FBN1: variants seen among roughly 807,000 people sequenced by gnomAD.
FBN1 encodes the protein fibrillin 1, also known as fibrillin-1.
A neutral mutation model predicts 365.1 loss-of-function variants in FBN1; 29 were observed. That is an observed-to-expected ratio of 0.08 (90% CI 0.06 to 0.11). FBN1 has a LOEUF of 0.11. FBN1 is among the 10% of genes least tolerant of loss of function. The probability of loss-of-function intolerance (pLI) is 1.00; values close to 1 mark genes in which losing one functional copy is unlikely to be tolerated. For missense variants in FBN1, 2,476 were observed against 3,703.2 expected, an observed-to-expected ratio of 0.67 and a Z score of 8.60; for synonymous variants, 1,210 against 1,270.5, an observed-to-expected ratio of 0.95 and a Z score of 1.01.
At position 48,435,810 on chromosome 15, in the gene FBN1, G is replaced by GTA. The variant is rs1164312097; in HGVS notation, c.6497-1099_6497-1098dup. ...TGTGTGTGTGTGTGTGTGTGTGTGT[G>GTA]TATATATGCCTTCTAACCCATCCAC... On this transcript the variant is annotated intron_variant, in intron 53 of 65. Coordinates refer to ENST00000316623, the MANE Select transcript of FBN1 (RefSeq NM_000138.5). 6.8e-3 allele frequency among the ~76,000 whole-genome samples: 911 copies of GTA among 134,062 alleles called. 10 individuals carry two copies. The highest frequency in any genetic ancestry group is 0.024 in the African/African-American group (808 of 33,492). 87.9% of individuals were successfully genotyped at this position (134,062 alleles called of 152,430 possible).
In FBN1 at chr15:48,432,862, T is replaced by C. The variant is rs1355777954; in HGVS notation, c.6739+4A>G. 1 of 1,613,404 alleles carries C rather than the reference T, an allele frequency of 6.2e-7. No homozygotes were observed. Among genetic ancestry groups the C allele is most frequent in the African/African-American group, 1.3e-5 (1 of 74,858 alleles). ...CTTAGATGACCTTGAACACGATGAC[T>C]CACCTTTGCACATCCTACGGTCTTC... On this transcript the variant is annotated splice_donor_region_variant and intron_variant, in intron 55 of 65. Coordinates refer to ENST00000316623, the MANE Select transcript of FBN1 (RefSeq NM_000138.5).
At chr15:48,542,874 G>C (rs759153510) in intron 6 of FBN1, among the ~76,000 whole-genome samples, 1 of 149,380 alleles carries the variant, frequency 6.7e-6, no homozygotes, top group African/African-American at 2.5e-5. Flanking sequence ...AAGAGTACTC[G>C]TGTGCCATGA....
chr15:48,442,160 G>A (rs2043120840), intron 49 of FBN1, among the ~76,000 whole-genome samples: 1 of 152,118 alleles, frequency 6.6e-6, no homozygotes, highest in South Asian at 2.1e-4. Context: ...AGTACCCTAG[G>A]CCAGGAAAGA....
intron 35 of FBN1, among the ~76,000 whole-genome samples, chr15:48,472,135 T>C (rs2043381296): frequency 6.6e-6 from 1 of 152,250 alleles, no homozygotes; most frequent in Admixed American, 6.5e-5. Context: ...GATTAAAACC[T>C]GTGTTTCCAT....
At chr15:48,433,797 T>G (rs1257228381) in intron 54 of FBN1, among the ~76,000 whole-genome samples, 1 of 152,206 alleles carries the variant, frequency 6.6e-6, no homozygotes, top group Non-Finnish European at 1.5e-5. Context: ...AATGGGCATT[T>G]GATAGATCAT....
intron 27 of FBN1, 56 bp from the exon 28 acceptor site, chr15:48,487,493 C>A (rs2043519241): frequency 6.2e-7 from 1 of 1,606,384 alleles, no homozygotes; most frequent in Non-Finnish European, 8.5e-7. Context: ...TCCACCAGAC[C>A]AAGCACTCCT....
chr15:48,441,656 G>A, intron 50 of FBN1, 65 bp downstream of exon 50: 1 of 1,602,930 alleles, frequency 6.2e-7, no homozygotes, highest in East Asian at 2.2e-5. Flanking sequence ...TGCCATGTTT[G>A]AAAAATAAGA....
At chr15:48,616,570 C>A (rs1470558206) in intron 2 of FBN1, among the ~76,000 whole-genome samples, 2 of 152,140 alleles carry the variant, frequency 1.3e-5, no homozygotes, top group African/African-American at 4.8e-5. Context: ...TGGATTATTT[C>A]CATAATAAAA....
chr15:48,561,731 T>C (rs1270025932), intron 6 of FBN1, among the ~76,000 whole-genome samples: 1 of 152,208 alleles, frequency 6.6e-6, no homozygotes, highest in African/African-American at 2.4e-5. Flanking sequence ...AAATTAAAGA[T>C]TTCAGCTCCT....
intron 62 of FBN1, among the ~76,000 whole-genome samples, chr15:48,421,096 T>G (rs2042938157): frequency 6.6e-6 from 1 of 151,392 alleles, no homozygotes; most frequent in East Asian, 1.9e-4. Flanking sequence ...TTTTTTTTTA[T>G]TTTTGGTGCC....
rs1831277327 is a variant in FBN1, at chr15:48,526,284, T to C, written c.863-29A>G. On this transcript the variant is annotated intron_variant, in intron 8 of 65. Coordinates refer to ENST00000316623, the MANE Select transcript of FBN1 (RefSeq NM_000138.5). ...GAATATAAAAAAAAGAATCTCAGCA[T>C]TTGTAGAACACAATATAAAACCATT... is the stretch of plus-strand genomic sequence containing the variant. The C allele has an allele frequency of 2.5e-6, 4 of 1,613,010 alleles. No individual in the cohort carries two copies. The African/African-American group carries it at 5.3e-5, about 21-fold the overall frequency.
At chr15:48,439,849 G>A (rs1019158873) in intron 50 of FBN1, among the ~76,000 whole-genome samples, 1 of 152,162 alleles carries the variant, frequency 6.6e-6, no homozygotes, top group Admixed American at 6.5e-5. Flanking sequence ...TTTGCAAGTG[G>A]GAGTGGCTCA....
chr15:48,425,873 T>C lies in FBN1; in HGVS notation c.7205-9A>G. On this transcript the variant is annotated splice_polypyrimidine_tract_variant and intron_variant, in intron 58 of 65. Transcript: ENST00000316623. ...CTTGCATTCATCGATATCTGTAATTTAACAAATATAAATTAAGAAATATAT... is the reference window on the plus strand; with the variant it reads ...CTTGCATTCATCGATATCTGTAATTCAACAAATATAAATTAAGAAATATAT... 1 of 1,598,620 alleles carries C rather than the reference T, an allele frequency of 6.3e-7. No individual in the cohort carries two copies. Among genetic ancestry groups the C allele is most frequent in the Admixed American group, 1.7e-5 (1 of 59,998 alleles).
intron 1 of FBN1, among the ~76,000 whole-genome samples, chr15:48,645,279 G>GC (rs1890283514): frequency 6.6e-6 from 1 of 152,072 alleles, no homozygotes; most frequent in African/African-American, 2.4e-5. Context: ...CGCTCTGAAC[G>GC]CCCCACTCCT....
At chr15:48,480,005 G>A (rs993911486) in intron 32 of FBN1, among the ~76,000 whole-genome samples, 4 of 152,074 alleles carry the variant, frequency 2.6e-5, no homozygotes, top group African/African-American at 7.2e-5. Context: ...CCAGCACTGC[G>A]CCAACAGCAT....
chr15:48,427,034 T>C (rs1165949829), intron 58 of FBN1, among the ~76,000 whole-genome samples: 1 of 152,174 alleles, frequency 6.6e-6, no homozygotes, highest in South Asian at 2.1e-4. Flanking sequence ...ACAGGAATCA[T>C]ATTGGTGACA....
intron 8 of FBN1, among the ~76,000 whole-genome samples, chr15:48,533,438 G>C (rs1420884007): frequency 6.6e-6 from 1 of 152,072 alleles, no homozygotes; most frequent in Non-Finnish European, 1.5e-5. Context: ...GCCTCATTTC[G>C]GCAAAGAGCA....
In FBN1 at chr15:48,428,714, A is replaced by G. The variant is rs12594736; in HGVS notation, c.6872-243T>C. Among the ~76,000 whole-genome samples the G allele has an allele frequency of 0.029, 4,389 of 152,282 alleles. 93 individuals carry two copies. The highest frequency in any genetic ancestry group is 0.081 in the East Asian group (420 of 5,180). Reference sequence around the variant, plus strand: ...GCTCAAAATTTAAAAGGTATAAAAGAGACTTCAATTCATTCTTAACTGTTT... The same window carrying G: ...GCTCAAAATTTAAAAGGTATAAAAGGGACTTCAATTCATTCTTAACTGTTT... On this transcript the variant is annotated intron_variant, in intron 56 of 65. Coordinates refer to ENST00000316623, the MANE Select transcript of FBN1 (RefSeq NM_000138.5).
At chr15:48,422,341 C>T (rs2042950644) in intron 60 of FBN1, among the ~76,000 whole-genome samples, 1 of 152,160 alleles carries the variant, frequency 6.6e-6, no homozygotes, top group African/African-American at 2.4e-5. Flanking sequence ...TGCAGGAATT[C>T]CTCAACAAAG....
Sources: gnomAD v4.1 joint callset for allele counts (sites outside exome capture counted in the v4.1 genomes callset) on GRCh38, gnomAD v4.1.1 for gene constraint, MANE v1.5 for transcripts, NCBI Gene and HGNC (gene_info 2026-07-23, HGNC 2026-07-21) for gene names.